Variants in PDE3B observed in about 807,000 individuals in gnomAD.
The protein encoded by PDE3B is cGMP-inhibited 3',5'-cyclic phosphodiesterase 3B.
Under a neutral mutation model 116.8 loss-of-function variants are expected in PDE3B, and 66 were observed. The observed-to-expected ratio is 0.56, with a 90% confidence interval of 0.46 to 0.69. The LOEUF (loss-of-function observed/expected upper bound fraction) is 0.69. Among genes scored for constraint, PDE3B ranks in the 30% least tolerant of loss-of-function variants. The pLI is 0.00. For missense variants in PDE3B, 1,384 were observed against 1,368.1 expected, an observed-to-expected ratio of 1.01 and a Z score of -0.18; for synonymous variants, 595 against 533.6, an observed-to-expected ratio of 1.12 and a Z score of -1.59.
chr11:14,739,116 G>A (rs1221522345), intron 1 of PDE3B, among the ~76,000 whole-genome samples: 1 of 152,194 alleles, frequency 6.6e-6, no homozygotes. Flanking sequence ...GAAATTTAAA[G>A]TAGTTTTCTC....
At chr11:14,850,268 C>G (rs1224634940) in intron 12 of PDE3B, among the ~76,000 whole-genome samples, 2 of 150,436 alleles carry the variant, frequency 1.3e-5, no homozygotes, top group Non-Finnish European at 3.0e-5. Context: ...TATTCTCAGT[C>G]ATAGGTAGGA....
At chr11:14,728,612 A>G (rs928491381) in intron 1 of PDE3B, among the ~76,000 whole-genome samples, 1 of 152,136 alleles carries the variant, frequency 6.6e-6, no homozygotes, top group Non-Finnish European at 1.5e-5. Context: ...GATAAAGATC[A>G]TATAGATAAG....
At chr11:14,711,557 C>T (rs1463098751) in intron 1 of PDE3B, among the ~76,000 whole-genome samples, 1 of 152,072 alleles carries the variant, frequency 6.6e-6, no homozygotes, top group Non-Finnish European at 1.5e-5. Flanking sequence ...ATCATATGGC[C>T]AGAGCAGGAG....
chr11:14,764,138 G>A (rs1857432897), intron 1 of PDE3B, among the ~76,000 whole-genome samples: 1 of 152,098 alleles, frequency 6.6e-6, no homozygotes, highest in African/African-American at 2.4e-5. Flanking sequence ...TTTTAGTTTA[G>A]TGATTGCCAA....
At chr11:14,843,364 C>T (rs530554481) in intron 11 of PDE3B, among the ~76,000 whole-genome samples, 17 of 152,184 alleles carry the variant, frequency 1.1e-4, no homozygotes, top group East Asian at 3.9e-4. Flanking sequence ...GTAATCTTTC[C>T]GGATGAGATT....
At chr11:14,890,477 T>A in the PDE3B span, 1 of 976,854 alleles carries the variant, frequency 1.0e-6, no homozygotes, top group African/African-American at 1.8e-5. Flanking sequence ...AAACTATTCG[T>A]GAACCATGAA....
In PDE3B at chr11:14,789,163, G is replaced by C. The variant is rs758783860; in HGVS notation, c.1336G>C (p.Gly446Arg). Residue 446 changes from glycine (G) to arginine (R), a missense_variant, in exon 4 of 16, where the codon GGA (glycine) becomes CGA (arginine). Gly to Arg is a moderately radical substitution (Grantham distance 125, BLOSUM62 -2). This residue lies in a region of PDE3B where 956 missense variants were observed against 806.8 expected (regional missense o/e 1.18). Coordinates refer to ENST00000282096, the MANE Select transcript of PDE3B (RefSeq NM_000922.4). ...PQLRRSSGTS[G>R]LLPVEQSSRW... is the part of the protein sequence containing the mutation. ...GCTGAGGAGAAGCTCAGGAACTTCA[G>C]GATTGCTACCTGTTGAACAGTCTTC... 5.0e-6 allele frequency: 8 copies of C among 1,611,122 alleles called. No homozygotes were observed. Among genetic ancestry groups the C allele is most frequent in the Non-Finnish European group, 6.8e-6 (8 of 1,177,852 alleles).
chr11:14,802,681 C>G (rs1297863406), intron 4 of PDE3B, among the ~76,000 whole-genome samples: 1 of 152,072 alleles, frequency 6.6e-6, no homozygotes, highest in African/African-American at 2.4e-5. Context: ...TCTTTGCCAC[C>G]CCACATGTAG....
intron 1 of PDE3B, among the ~76,000 whole-genome samples, chr11:14,699,557 C>T (rs1264411772): frequency 1.3e-5 from 2 of 151,774 alleles, no homozygotes; most frequent in Non-Finnish European, 3.0e-5. Context: ...AATGACTTCT[C>T]ATTCTGTAGC....
intron 1 of PDE3B, among the ~76,000 whole-genome samples, chr11:14,645,694 G>T (rs1853381285): frequency 6.6e-6 from 1 of 152,006 alleles, no homozygotes; most frequent in African/African-American, 2.4e-5. Context: ...TGTTTTAACA[G>T]TTTAAACTTT....
chr11:14,828,812 A>G (rs1300695123), intron 7 of PDE3B, among the ~76,000 whole-genome samples: 2 of 152,246 alleles, frequency 1.3e-5, no homozygotes, highest in Non-Finnish European at 2.9e-5. Context: ...ATTACTGGGT[A>G]TATATCCAAA....
At chr11:14,659,286 T>G (rs1486240131) in intron 1 of PDE3B, among the ~76,000 whole-genome samples, 2 of 152,220 alleles carry the variant, frequency 1.3e-5, no homozygotes, top group Admixed American at 1.3e-4. Flanking sequence ...TTGACATTAC[T>G]TTTTCAGATA....
chr11:14,795,013 C>T (rs752420176), intron 4 of PDE3B, among the ~76,000 whole-genome samples: 1 of 152,152 alleles, frequency 6.6e-6, no homozygotes, highest in Non-Finnish European at 1.5e-5. Context: ...GAAGCCCCCA[C>T]GTGTTTGGCT....
chr11:14,721,516 A>G (rs1186203934), intron 1 of PDE3B, among the ~76,000 whole-genome samples: 6 of 151,944 alleles, frequency 3.9e-5, no homozygotes, highest in African/African-American at 1.2e-4. Flanking sequence ...AAAGACTTGG[A>G]ACCGACCCAA....
At chr11:14,797,498 T>C (rs935475149) in intron 4 of PDE3B, among the ~76,000 whole-genome samples, 1 of 152,230 alleles carries the variant, frequency 6.6e-6, no homozygotes, top group East Asian at 1.9e-4. Flanking sequence ...GGGATAGCAC[T>C]GAATCTATAT....
At chr11:14,842,867 G>T (rs1408161408) in intron 11 of PDE3B, among the ~76,000 whole-genome samples, 1 of 152,180 alleles carries the variant, frequency 6.6e-6, no homozygotes, top group Non-Finnish European at 1.5e-5. Context: ...TGTCACTAGT[G>T]TATTAAAGTC....
chr11:14,771,498 C>T (rs1164891984), intron 1 of PDE3B, among the ~76,000 whole-genome samples: 1 of 151,696 alleles, frequency 6.6e-6, no homozygotes, highest in Admixed American at 6.6e-5. Context: ...CTTAATCTAA[C>T]CCCAAGGACA....
chr11:14,823,588 A>G (rs1035433690), intron 7 of PDE3B, among the ~76,000 whole-genome samples: 22 of 152,010 alleles, frequency 1.4e-4, no homozygotes, highest in Non-Finnish European at 5.9e-5. Context: ...CCTCCCAACT[A>G]GGGTGTCCAG....
rs75576558 is a variant in PDE3B, at chr11:14,654,891, G to A, written c.978+9838G>A. Among the ~76,000 whole-genome samples the A allele has an allele frequency of 1.2e-3, 181 of 150,814 alleles. 4 individuals carry two copies. In the East Asian group the frequency reaches 0.024, roughly 20 times the overall value. ...TGTGAATGGCTTCCAAACAAATAGA[G>A]GTGACAAAAGAATTGAGGGAAAAAA... On this transcript the variant is annotated intron_variant, in intron 1 of 15. Coordinates refer to ENST00000282096, the MANE Select transcript of PDE3B (RefSeq NM_000922.4).
Sources: gnomAD v4.1 joint callset for allele counts (sites outside exome capture counted in the v4.1 genomes callset) on GRCh38, gnomAD v4.1.1 for gene constraint, gnomAD v4.1.1 regional missense constraint, MANE v1.5 for transcripts, NCBI Gene and HGNC (gene_info 2026-07-23, HGNC 2026-07-21) for gene names.